Variants in ASTN2 observed in about 807,000 individuals in gnomAD.
The protein encoded by ASTN2 is astrotactin-2.
ASTN2 carries 54 observed loss-of-function variants against 139.8 expected under a neutral mutation model. The observed-to-expected ratio is 0.39, with a 90% CI of 0.31 to 0.48. The LOEUF (loss-of-function observed/expected upper bound fraction) is 0.48. Ranked by LOEUF, ASTN2 falls within the 20% of genes least tolerant of loss-of-function variation. The pLI, the probability that ASTN2 is intolerant of heterozygous loss-of-function variation, is 0.95. For synonymous variants in ASTN2, 756 were observed against 719.5 expected (o/e 1.05, Z -0.81); for missense variants, 1,565 against 1,725.1 (o/e 0.91, Z 1.64).
chr9:117,318,861 G>T (rs997020976), intron 1 of ASTN2, among the ~76,000 whole-genome samples: 1 of 152,128 alleles, frequency 6.6e-6, no homozygotes, highest in African/African-American at 2.4e-5. Context: ...TTGTTATAAG[G>T]CACTTCATGA....
intron 6 of ASTN2, among the ~76,000 whole-genome samples, chr9:117,009,125 G>A (rs891883843): frequency 1.3e-5 from 2 of 152,054 alleles, no homozygotes; most frequent in Non-Finnish European, 2.9e-5. Flanking sequence ...CTTGCCACAT[G>A]GAACTAAAGG....
chr9:116,484,168 G>A (rs530791774), intron 20 of ASTN2, among the ~76,000 whole-genome samples: 2 of 152,312 alleles, frequency 1.3e-5, no homozygotes, highest in African/African-American at 2.4e-5. Flanking sequence ...GATAACCAGC[G>A]ACTGAGAAGA....
At chr9:116,999,942 T>C (rs1031411339) in intron 7 of ASTN2, among the ~76,000 whole-genome samples, 6 of 152,188 alleles carry the variant, frequency 3.9e-5, no homozygotes, top group African/African-American at 1.4e-4. Flanking sequence ...TAGCTTACTC[T>C]AAATTCCTCC....
At chr9:116,828,600 C>A (rs928683474) in intron 11 of ASTN2, among the ~76,000 whole-genome samples, 2 of 151,988 alleles carry the variant, frequency 1.3e-5, no homozygotes, top group Non-Finnish European at 2.9e-5. Context: ...GACCCACAGC[C>A]ATTATCTTAC....
intron 19 of ASTN2, among the ~76,000 whole-genome samples, chr9:116,508,999 A>AT (rs972015719): frequency 4.0e-5 from 6 of 151,884 alleles, no homozygotes; most frequent in Admixed American, 2.0e-4. Flanking sequence ...TTATCTCTGA[A>AT]TTTTTTTATA....
rs1425466583 is a variant in ASTN2 at position 117,060,336 on chromosome 9, AAGAAAGAG to A, written c.1277-20379_1277-20372del. On this transcript the variant is annotated intron_variant, in intron 5 of 22. Transcript: ENST00000313400. Reference sequence around the variant, plus strand: ...AAAAGAAAAAAGAAAGAAAGAAAGAAAGAAAGAGAGAAAGAAAGAAAGAAAGAAAGAAA... The same window carrying A: ...AAAAGAAAAAAGAAAGAAAGAAAGAAAGAAAGAAAGAAAGAAAGAAAGAAA... Among the ~76,000 whole-genome samples, 649 of 80,692 alleles carry A rather than the reference AAGAAAGAG, an allele frequency of 8.0e-3. 56 individuals are homozygous for A. Among genetic ancestry groups the A allele is most frequent in the South Asian group, 0.025 (50 of 2,024 alleles). 52.9% of individuals were successfully genotyped at this position (80,692 alleles called of 152,430 possible).
At chr9:117,199,932 C>T (rs139382515) in intron 3 of ASTN2, among the ~76,000 whole-genome samples, 76 of 152,054 alleles carry the variant, frequency 5.0e-4, no homozygotes, top group Middle Eastern at 3.4e-3. Flanking sequence ...CATGATTTGG[C>T]TTTCTGCTTG....
intron 10 of ASTN2, among the ~76,000 whole-genome samples, chr9:116,905,852 G>GTT (rs1164737372): frequency 2.3e-4 from 11 of 47,278 alleles, no homozygotes; most frequent in East Asian, 9.3e-4. Flanking sequence ...AGTGATCCCT[G>GTT]TTTTTTTTTT....
chr9:116,908,583 C>T lies in ASTN2; in HGVS notation c.1890-44850G>A, dbSNP rs139886812. Among the ~76,000 whole-genome samples, 188 of 152,238 alleles carry T rather than the reference C, an allele frequency of 1.2e-3. 2 individuals are homozygous for T. The highest frequency in any genetic ancestry group is 0.01 in the Middle Eastern group (3 of 294). ...CTTTCTTGAAAGTCTCTCGCAGAGC[C>T]AAAGGAGAACCTTGTTCTGTGTGGC... On this transcript the variant is annotated intron_variant, in intron 10 of 22. Coordinates refer to ENST00000313400, the MANE Select transcript of ASTN2 (RefSeq NM_001365068.1).
chr9:117,383,876 C>A (rs769030554), intron 1 of ASTN2, among the ~76,000 whole-genome samples: 4 of 152,196 alleles, frequency 2.6e-5, no homozygotes, highest in Admixed American at 6.5e-5. Flanking sequence ...TCAATTCCAG[C>A]TGCTCAGATG....
At chr9:116,489,088 C>A (rs987693294) in intron 19 of ASTN2, among the ~76,000 whole-genome samples, 1 of 152,178 alleles carries the variant, frequency 6.6e-6, no homozygotes, top group South Asian at 2.1e-4. Context: ...ATGTACAGCC[C>A]CACTAATAAA....
rs1238431690 is a variant in ASTN2, at chr9:117,061,022, A to T, written c.1277-21057T>A. 3.9e-5 allele frequency among the ~76,000 whole-genome samples: 6 copies of T among 152,340 alleles called. No homozygotes were observed. The East Asian group carries it at 1.2e-3, about 29-fold the overall frequency. On this transcript the variant is annotated intron_variant, in intron 5 of 22. Coordinates refer to ENST00000313400, the MANE Select transcript of ASTN2 (RefSeq NM_001365068.1). ...TTTTGTTTTTCAGAGTCAGTTTACCAGCATACCACTGGGTTGGAATCATGG... is the reference window on the plus strand; with the variant it reads ...TTTTGTTTTTCAGAGTCAGTTTACCTGCATACCACTGGGTTGGAATCATGG...
intron 1 of ASTN2, among the ~76,000 whole-genome samples, chr9:117,338,487 A>G (rs1828961832): frequency 6.6e-6 from 1 of 152,156 alleles, no homozygotes; most frequent in Admixed American, 6.5e-5. Context: ...CAGATGCCCC[A>G]TCTTGTGCTG....
rs1208550935 is a variant in ASTN2, at chr9:117,414,579, C to T, written c.360G>A (p.Leu120=). ...SAGTAAESRL[L]LFVRNELPGR... is the part of the protein sequence containing the mutation. ...CCGGCAGCTCGTTACGCACAAAGAG[C>T]AGGAGGCGCGACTCGGCGGCGGTGC... Residue 120 remains leucine (L), a synonymous_variant, in exon 1 of 23, where the codon CTG becomes CTA. Coordinates refer to ENST00000313400, the MANE Select transcript of ASTN2 (RefSeq NM_001365068.1). The surrounding 1 kb of genome is among the most constrained non-coding windows in gnomAD (Gnocchi z 4.2). 1.3e-6 allele frequency: 2 copies of T among 1,587,216 alleles called. No homozygotes were observed. Among genetic ancestry groups the T allele is most frequent in the African/African-American group, 2.8e-5 (2 of 71,936 alleles).
At chr9:117,277,296 C>T (rs1389397062) in intron 2 of ASTN2, 1 of 152,184 alleles carries the variant, frequency 6.6e-6, no homozygotes, top group Non-Finnish European at 1.5e-5. Flanking sequence ...ATCAGGCATA[C>T]ATAGGGTAAG....
At chr9:116,547,121 G>A (rs1161133589) in intron 19 of ASTN2, among the ~76,000 whole-genome samples, 1 of 152,138 alleles carries the variant, frequency 6.6e-6, no homozygotes, top group Non-Finnish European at 1.5e-5. Context: ...CTCCACCTGA[G>A]TACTTAAGAA....
intron 16 of ASTN2, among the ~76,000 whole-genome samples, chr9:116,701,664 T>G (rs1187697020): frequency 6.6e-6 from 1 of 152,220 alleles, no homozygotes; most frequent in African/African-American, 2.4e-5. Context: ...TTTAGATCTC[T>G]ACCCATCTAA....
At chr9:117,252,276 T>C (rs1004569420) in intron 2 of ASTN2, among the ~76,000 whole-genome samples, 24 of 152,342 alleles carry the variant, frequency 1.6e-4, no homozygotes, top group African/African-American at 5.1e-4. Context: ...TGCATGCTTA[T>C]CTGTGGCCAG....
At chr9:116,627,791 C>T (rs192465075) in intron 17 of ASTN2, among the ~76,000 whole-genome samples, 9 of 152,270 alleles carry the variant, frequency 5.9e-5, no homozygotes, top group Non-Finnish European at 1.2e-4. Flanking sequence ...TTAATAATTA[C>T]GTGATATTTA....
Sources: allele counts gnomAD v4.1 joint callset (sites outside exome capture counted in the v4.1 genomes callset), GRCh38; gene constraint gnomAD v4.1.1; non-coding constraint Gnocchi (gnomAD v3.1); transcripts MANE v1.5; gene names NCBI Gene and HGNC (gene_info 2026-07-23, HGNC 2026-07-21).